Variants in KLC4 observed in about 807,000 individuals in gnomAD.
KLC4 encodes kinesin-like protein 8.
Under a neutral mutation model 77.2 loss-of-function variants are expected in KLC4, and 49 were observed. The ratio of observed to expected loss-of-function variants is 0.63; its 90% confidence interval spans 0.50 to 0.80. The LOEUF is 0.80. Among genes scored for constraint, KLC4 ranks in the 30% least tolerant of loss-of-function variants. KLC4 has a pLI of 0.00. For synonymous variants in KLC4, 274 were observed against 314.5 expected, an observed-to-expected ratio of 0.87 and a Z score of 1.36; for missense variants, 669 against 793.5, an observed-to-expected ratio of 0.84 and a Z score of 1.89.
At chr6:43,065,762 G>A in intron 4 of KLC4, 61 bp downstream of exon 4, 1 of 1,151,738 alleles carries the variant, frequency 8.7e-7, no homozygotes, top group Non-Finnish European at 1.3e-6. Flanking sequence ...CCCTAGCTGT[G>A]GCCCACCCTG....
rs767225286 is a variant in KLC4 at position 43,066,525 on chromosome 6, G to A, written c.791G>A (p.Arg264His). The A allele has an allele frequency of 9.9e-6, 16 of 1,609,078 alleles. No homozygotes were observed. Among genetic ancestry groups the A allele is most frequent in the East Asian group, 6.7e-5 (3 of 44,758 alleles). The change falls in exon 5 of 16, where the codon CGT (arginine) becomes CAT (histidine). Residue 264 changes from arginine (R) to histidine (H), a missense_variant and splice_region_variant. By Grantham distance (29) the Arg-to-His change is conservative. Coordinates refer to ENST00000347162, the MANE Select transcript of KLC4 (RefSeq NM_201521.3). ...TMLNILALVY[R>H]DQNKYKEAAH... ...CTCAACATCCTTGCTTTGGTGTATCGGTGAGGACTTCCCTCCTCCAGTGCC... is the reference window on the plus strand; with the variant it reads ...CTCAACATCCTTGCTTTGGTGTATCAGTGAGGACTTCCCTCCTCCAGTGCC...
At chr6:43,062,071 G>A (rs988293138) in intron 2 of KLC4, among the ~76,000 whole-genome samples, 3 of 152,208 alleles carry the variant, frequency 2.0e-5, no homozygotes, top group Non-Finnish European at 4.4e-5. Flanking sequence ...AGAGCAGCAA[G>A]TGCAGAGGCT....
At chr6:43,061,217 G>T (rs1765136208) in intron 1 of KLC4, 94 bp from the exon 2 acceptor site, 13 of 1,325,534 alleles carry the variant, frequency 9.8e-6, no homozygotes, top group Non-Finnish European at 1.4e-5. Flanking sequence ...TCTTACTTTT[G>T]TCCCTTCACT....
chr6:43,071,224 C>T, intron 8 of KLC4, 51 bp from the exon 9 acceptor site: 1 of 970,488 alleles, frequency 1.0e-6, no homozygotes, highest in Non-Finnish European at 1.6e-6. Context: ...AAAAAAAGAC[C>T]TTGCCTCCCT....
chr6:43,071,857 G>C lies in KLC4; in HGVS notation c.1314G>C (p.Arg438=). Residue 438 remains arginine, a synonymous_variant, in exon 11 of 16, where the codon CGG becomes CGC. Coordinates refer to ENST00000347162, the MANE Select transcript of KLC4 (RefSeq NM_201521.3). The part of the protein sequence containing the change: ...AEEREEMSKS[R]HHEGGTPYAE... Reference sequence around the variant, plus strand: ...GGCCTCTCTCTGTCCTGCAGAGCCGGCACCATGAGGGTGGGACACCCTATG... The same window carrying C: ...GGCCTCTCTCTGTCCTGCAGAGCCGCCACCATGAGGGTGGGACACCCTATG... 6.2e-7 allele frequency: 1 copy of C among 1,612,024 alleles called. No homozygotes were observed. The highest frequency in any genetic ancestry group is 1.3e-5 in the African/African-American group (1 of 75,014).
intron 6 of KLC4, chr6:43,067,398 G>A (rs1561915893): frequency 1.2e-5 from 5 of 422,868 alleles, no homozygotes; most frequent in Non-Finnish European, 2.0e-5. Flanking sequence ...AACAAGAAAA[G>A]TAATTTGTAA....
chr6:43,065,798 A>G, intron 4 of KLC4, 97 bp downstream of exon 4: 1 of 805,880 alleles, frequency 1.2e-6, no homozygotes, highest in East Asian at 2.5e-5. Flanking sequence ...CCATCTAGAA[A>G]TAGGTTCTCC....
At chr6:43,071,817 C>CCTGCCCTTCTTTCTGGCCTCT in intron 10 of KLC4, 35 bp from the exon 11 acceptor site, 1 of 1,602,958 alleles carries the variant, frequency 6.2e-7, no homozygotes, top group Non-Finnish European at 8.5e-7. Flanking sequence ...TTTGGCTCTC[C>CCTGCCCTTCTTTCTGGCCTCT]CTGCCCTTCT....
intron 1 of KLC4, chr6:43,060,945 A>G: frequency 4.5e-6 from 1 of 220,078 alleles, no homozygotes. Flanking sequence ...CAGCTCTCCC[A>G]CAGACCTTCT....
intron 6 of KLC4, 111 bp from the exon 7 acceptor site, chr6:43,070,243 C>T (rs1034814484): frequency 2.2e-5 from 15 of 692,742 alleles, no homozygotes; most frequent in Non-Finnish European, 3.5e-5. Flanking sequence ...TAGACTTTGT[C>T]TCTTAGAGTT....
Position 43,072,949 on chromosome 6 carries a change from T to C in KLC4, c.1614T>C (p.Ala538=), listed in dbSNP as rs763152359. ...AGGGAGGTGAAGATGCTTCTGTGGC[T>C]GTGGAGTGGTCCGGGGTAAGTCTGA... ...KFEGGEDASV[A]VEWSGDGSGT... Residue 538 remains alanine (A), a synonymous_variant, in exon 13 of 16, where the codon GCT becomes GCC. Coordinates refer to ENST00000347162, the MANE Select transcript of KLC4 (RefSeq NM_201521.3). The C allele has an allele frequency of 1.9e-6, 3 of 1,605,662 alleles. No homozygotes were observed. Among genetic ancestry groups the C allele is most frequent in the Non-Finnish European group, 2.6e-6 (3 of 1,176,354 alleles).
intron 3 of KLC4, 30 bp from the exon 4 acceptor site, chr6:43,065,590 G>T: frequency 6.6e-7 from 1 of 1,512,040 alleles, no homozygotes; most frequent in Non-Finnish European, 9.2e-7. Context: ...GGGATATCTT[G>T]GCCCTTATAT....
chr6:43,059,925 C>T, intron 1 of KLC4: 1 of 1,277,486 alleles, frequency 7.8e-7, no homozygotes, highest in South Asian at 1.8e-5. Flanking sequence ...GCCTCCACGT[C>T]CTCGCTGGAG....
At chr6:43,061,992 T>A (rs1261235021) in intron 2 of KLC4, among the ~76,000 whole-genome samples, 1 of 152,172 alleles carries the variant, frequency 6.6e-6, no homozygotes, top group East Asian at 1.9e-4. Flanking sequence ...AGGTGACATT[T>A]TTGGCAAAGA....
At position 43,061,596 on chromosome 6, in the gene KLC4, G is replaced by A. The variant is rs756491297; in HGVS notation, c.258+3G>A. On this transcript the variant is annotated splice_donor_region_variant and intron_variant, in intron 2 of 15. Coordinates refer to ENST00000347162, the MANE Select transcript of KLC4 (RefSeq NM_201521.3). ...AGCTCGGGCTGAGTGAGGCCCAGGT[G>A]AGAGGGCAAAGGTGGTGCCAAGTGG... The A allele has an allele frequency of 1.2e-5, 20 of 1,606,924 alleles. No individual in the cohort carries two copies. The African/African-American group carries it at 2.4e-4, about 19-fold the overall frequency.
chr6:43,073,916 G>C lies in KLC4; in HGVS notation c.1760G>C (p.Arg587Pro). The C allele has an allele frequency of 6.2e-7, 1 of 1,614,016 alleles. No individual in the cohort carries two copies. Among genetic ancestry groups the C allele is most frequent in the Non-Finnish European group, 8.5e-7 (1 of 1,179,924 alleles). ...TTCCATTGTAGCAGCAACATGAAGC[G>C]AGCAGCCTCCTTGAACTATCTGAAC... Reference protein sequence around the residue: ...EPRPSSSNMKRAASLNYLNQP... With the variant: ...EPRPSSSNMKPAASLNYLNQP... Residue 587 changes from arginine (R) to proline (P), a missense_variant, in exon 15 of 16, where the codon CGA becomes CCA. Physicochemically the swap from Arg to Pro is moderately radical, Grantham distance 103 (BLOSUM62 -2). Transcript: ENST00000347162.
chr6:43,065,554 G>A (rs1293868098), intron 3 of KLC4, 66 bp from the exon 4 acceptor site: 3 of 1,032,020 alleles, frequency 2.9e-6, no homozygotes, highest in Non-Finnish European at 4.6e-6. Context: ...ATGGCTTAGA[G>A]GGGTCACTGA....
chr6:43,070,906 G>A (rs183774045), intron 8 of KLC4, 41 bp downstream of exon 8: 1 of 711,046 alleles, frequency 1.4e-6, no homozygotes, highest in South Asian at 1.7e-5. Context: ...AAACGGAGAG[G>A]GGGGCACAGA....
chr6:43,060,743 T>A, intron 1 of KLC4: 1 of 513,170 alleles, frequency 1.9e-6, no homozygotes, highest in Non-Finnish European at 2.6e-6. Flanking sequence ...GATGCTGGGC[T>A]TAGTTCTGCA....
Sources: gnomAD v4.1 joint callset for allele counts (sites outside exome capture counted in the v4.1 genomes callset) on GRCh38, gnomAD v4.1.1 for gene constraint, MANE v1.5 for transcripts, NCBI Gene and HGNC (gene_info 2026-07-23, HGNC 2026-07-21) for gene names.